Variants in SYNE1 observed in about 807,000 individuals in gnomAD.
SYNE1 encodes the protein spectrin repeat containing nuclear envelope protein 1, also known as nesprin-1.
In SYNE1, 616 loss-of-function variants were observed where a neutral mutation model predicts 1,111.0. The observed-to-expected ratio is 0.55, with a 90% CI of 0.52 to 0.59. SYNE1 has a LOEUF of 0.59. Among genes scored for constraint, SYNE1 ranks in the 20% least tolerant of loss-of-function variants. SYNE1 has a pLI of 0.00. For synonymous variants in SYNE1, 3,855 were observed against 3,825.8 expected, an observed-to-expected ratio of 1.01 and a Z score of -0.28; for missense variants, 10,006 against 10,417.0, an observed-to-expected ratio of 0.96 and a Z score of 1.72.
chr6:152,510,387 CAGCCAGCAAAAATAT>C lies in SYNE1; in HGVS notation c.403-31_403-17del. 6.2e-7 allele frequency: 1 copy of C among 1,613,054 alleles called. No homozygotes were observed. Among genetic ancestry groups the C allele is most frequent in the Non-Finnish European group, 8.5e-7 (1 of 1,179,588 alleles). Reference sequence around the variant, plus strand: ...ACTCTTCAATCTGTTTGTGAGTTAACAGCCAGCAAAAATATAAGCATTATCTTTGTTATTATTTCC... The same window carrying C: ...ACTCTTCAATCTGTTTGTGAGTTAACAAGCATTATCTTTGTTATTATTTCC... On this transcript the variant is annotated splice_polypyrimidine_tract_variant and intron_variant, in intron 7 of 145. Coordinates refer to ENST00000367255, the MANE Select transcript of SYNE1 (RefSeq NM_182961.4).
chr6:152,122,471 T>A lies in SYNE1; in HGVS notation c.26359A>T (p.Met8787Leu). 2 of 1,614,166 alleles carry A rather than the reference T, an allele frequency of 1.2e-6. 1 individual carries two copies. The highest frequency in any genetic ancestry group is 1.7e-6 in the Non-Finnish European group (2 of 1,180,030). The change falls in exon 146 of 146, where the codon ATG becomes TTG. Residue 8787 changes from methionine (M) to leucine (L), a missense_variant. Around this residue, in one of 7 missense-constraint regions of SYNE1, gnomAD observed 761 missense variants for 795.5 expected, o/e 0.96. Coordinates refer to ENST00000367255, the MANE Select transcript of SYNE1 (RefSeq NM_182961.4). Reference protein sequence around the residue: ...SNNFARSFHPMLRYTNGPPPL With the variant: ...SNNFARSFHPLLRYTNGPPPL ...GGAGGGCCATTCGTGTATCTGAGCA[T>A]GGGGTGGAATGACCGGGCAAAGTTG...
At chr6:152,592,367 T>C (rs1279508205) in intron 3 of SYNE1, among the ~76,000 whole-genome samples, 1 of 152,160 alleles carries the variant, frequency 6.6e-6, no homozygotes, top group Non-Finnish European at 1.5e-5. Flanking sequence ...ATATACACCA[T>C]GGAATTCTAT....
chr6:152,505,156 C>T, intron 9 of SYNE1, 45 bp downstream of exon 9: 2 of 1,604,522 alleles, frequency 1.2e-6, no homozygotes, highest in Non-Finnish European at 1.7e-6. Context: ...GACATAAAAA[C>T]CCTCCGTGTT....
At chr6:152,565,977 G>C (rs960123414) in intron 3 of SYNE1, among the ~76,000 whole-genome samples, 2 of 152,212 alleles carry the variant, frequency 1.3e-5, no homozygotes, top group Non-Finnish European at 1.5e-5. Context: ...TGGGTGATGG[G>C]AGCAGAGGGC....
intron 11 of SYNE1, among the ~76,000 whole-genome samples, chr6:152,490,268 T>C (rs978003127): frequency 2.6e-5 from 4 of 152,156 alleles, no homozygotes; most frequent in Admixed American, 6.5e-5. Context: ...CTGAGCATCA[T>C]AAATTTTGCT....
chr6:152,131,624 T>C (rs6925149), intron 144 of SYNE1, among the ~76,000 whole-genome samples: 10,142 of 152,102 alleles, frequency 0.067, 431 homozygotes, highest in East Asian at 0.24. Context: ...ATTTTAGGGG[T>C]GGCACAACTG....
chr6:152,549,232 G>C (rs2099328796), intron 3 of SYNE1, among the ~76,000 whole-genome samples: 1 of 152,182 alleles, frequency 6.6e-6, no homozygotes, highest in Non-Finnish European at 1.5e-5. Context: ...TAGGAAGAAA[G>C]CATTTTCCTC....
At chr6:152,547,929 G>A (rs1054912716) in intron 3 of SYNE1, among the ~76,000 whole-genome samples, 7 of 152,094 alleles carry the variant, frequency 4.6e-5, no homozygotes, top group South Asian at 2.1e-4. Context: ...TGTGTTAATT[G>A]ACTGTGGTAA....
At chr6:152,127,713 G>A (rs2053996921) in intron 145 of SYNE1, 1 of 152,154 alleles carries the variant, frequency 6.6e-6, no homozygotes, top group Non-Finnish European at 1.5e-5. Context: ...GAGAGGCTCT[G>A]TGCTGAGGCT....
intron 131 of SYNE1, among the ~76,000 whole-genome samples, chr6:152,163,756 A>G (rs140411804): frequency 8.3e-4 from 127 of 152,164 alleles, no homozygotes; most frequent in African/African-American, 2.7e-3. Flanking sequence ...CCCAAACACT[A>G]TACACAGGAA....
chr6:152,603,717 T>G (rs1199887788), intron 3 of SYNE1, among the ~76,000 whole-genome samples: 1 of 150,924 alleles, frequency 6.6e-6, no homozygotes, highest in East Asian at 1.9e-4. Flanking sequence ...GATATGTATA[T>G]CTATACATAC....
intron 128 of SYNE1, among the ~76,000 whole-genome samples, chr6:152,186,532 G>A (rs1487191328): frequency 8.4e-6 from 1 of 118,976 alleles, no homozygotes; most frequent in Non-Finnish European, 1.6e-5. Flanking sequence ...CTCCAGCCTG[G>A]GCAACAAGAG....
intron 141 of SYNE1, among the ~76,000 whole-genome samples, chr6:152,136,326 A>G (rs1428784577): frequency 6.6e-6 from 1 of 152,242 alleles, no homozygotes; most frequent in Non-Finnish European, 1.5e-5. Flanking sequence ...TGTTGAATAA[A>G]TAAAGGAAAT....
At position 152,316,543 on chromosome 6, in the gene SYNE1, C is replaced by T. The variant is rs2013767; in HGVS notation, c.16710+306G>A. The T allele has an allele frequency of 0.039, 14,715 of 373,706 alleles. 329 individuals carry two copies. Among genetic ancestry groups the T allele is most frequent in the African/African-American group, 0.049 (2,341 of 48,192 alleles). 23.1% of individuals were successfully genotyped at this position (373,706 alleles called of 1,614,324 possible). A position where few individuals can be genotyped will look rare whatever the true frequency, so the allele number is the denominator to read the frequency against. ...CTCTTCACAGGAAAGAATTTCCCAC[C>T]AGATCCCTGCAGATAATTATTTCAA... On this transcript the variant is annotated intron_variant, in intron 87 of 145. Transcript: ENST00000367255.
chr6:152,219,222 T>C lies in SYNE1; in HGVS notation c.21862-37A>G, dbSNP rs17195304. ...GAAAATATGCCCACTCTGAAGCATG[T>C]TGATACTCCTTATCATAAACAGCAA... On this transcript the variant is annotated intron_variant, in intron 119 of 145. Transcript: ENST00000367255. 0.085 allele frequency: 135,619 copies of C among 1,594,818 alleles called. 6,704 individuals are homozygous for C. Among genetic ancestry groups the C allele is most frequent in the Admixed American group, 0.19 (11,667 of 59,942 alleles).
intron 122 of SYNE1, 74 bp from the exon 123 acceptor site, chr6:152,213,833 T>A (rs538215635): frequency 2.5e-6 from 4 of 1,584,300 alleles, no homozygotes; most frequent in Admixed American, 1.7e-5. Flanking sequence ...TAAAACTAGA[T>A]TAAATAATCT....
intron 104 of SYNE1, among the ~76,000 whole-genome samples, chr6:152,253,852 T>G: frequency 1.7e-5 from 2 of 116,696 alleles, no homozygotes; most frequent in African/African-American, 3.7e-5. Flanking sequence ...TTTTTTTTTT[T>G]TTTTTTTTGC....
chr6:152,598,339 A>G (rs991365591), intron 3 of SYNE1, among the ~76,000 whole-genome samples: 12 of 152,172 alleles, frequency 7.9e-5, no homozygotes, highest in Admixed American at 2.6e-4. Flanking sequence ...ACCTTCCACC[A>G]TTATTGTGAG....
chr6:152,166,403 T>TAA (rs1437439583), intron 130 of SYNE1, among the ~76,000 whole-genome samples: 1 of 152,248 alleles, frequency 6.6e-6, no homozygotes, highest in African/African-American at 2.4e-5. Context: ...AAGTGTGTAT[T>TAA]AAGTTTTACT....
Sources: gnomAD v4.1 joint callset for allele counts (sites outside exome capture counted in the v4.1 genomes callset) on GRCh38, gnomAD v4.1.1 for gene constraint, gnomAD v4.1.1 regional missense constraint, MANE v1.5 for transcripts, NCBI Gene and HGNC (gene_info 2026-07-23, HGNC 2026-07-21) for gene names.